Variants in CNTNAP3B observed in about 807,000 individuals in gnomAD.
CNTNAP3B encodes the protein contactin associated protein family member 3B.
Under a neutral mutation model 108.9 loss-of-function variants are expected in CNTNAP3B, and 25 were observed. The observed-to-expected ratio is 0.23, with a 90% CI of 0.17 to 0.32. The LOEUF is 0.32. Ranked by LOEUF, CNTNAP3B falls within the 10% of genes least tolerant of loss-of-function variation. The pLI is 1.00. For synonymous variants in CNTNAP3B, 103 were observed against 473.4 expected (o/e 0.22, Z 10.16); for missense variants, 252 against 1,210.4 (o/e 0.21, Z 11.75).
At chr9:42,023,328 T>C (rs902536681) in intron 3 of CNTNAP3B, among the ~76,000 whole-genome samples, 4 of 151,930 alleles carry the variant, frequency 2.6e-5, no homozygotes, top group African/African-American at 9.7e-5. Context: ...AGTCTCTTCC[T>C]CCGCCTTAAG....
chr9:42,126,917 C>T (rs1255598763), intron 1 of CNTNAP3B, among the ~76,000 whole-genome samples: 7 of 138,318 alleles, frequency 5.1e-5, no homozygotes, highest in Admixed American at 4.3e-4. Context: ...CATCAACAGG[C>T]TGCCTTCGTG....
intron 2 of CNTNAP3B, among the ~76,000 whole-genome samples, chr9:42,078,817 T>A (rs1220487107): frequency 2.0e-5 from 3 of 150,080 alleles, no homozygotes; most frequent in Non-Finnish European, 2.9e-5. Flanking sequence ...TAGCCCTCAG[T>A]AGGAACTACT....
intron 12 of CNTNAP3B, among the ~76,000 whole-genome samples, chr9:41,956,321 G>C (rs149395459): frequency 0.12 from 17,969 of 147,014 alleles, 519 homozygotes; most frequent in South Asian, 0.18. Flanking sequence ...GGGAGGTGGA[G>C]GTTGCAGTGA....
At chr9:42,053,959 C>T (rs1391170213) in intron 3 of CNTNAP3B, among the ~76,000 whole-genome samples, 1 of 151,854 alleles carries the variant, frequency 6.6e-6, no homozygotes, top group African/African-American at 2.4e-5. Flanking sequence ...AAATGGATCC[C>T]CTGTGAGAAC....
chr9:42,121,755 TTC>T (rs1423986828), intron 1 of CNTNAP3B, among the ~76,000 whole-genome samples: 1 of 140,242 alleles, frequency 7.1e-6, no homozygotes, highest in Non-Finnish European at 1.5e-5. Flanking sequence ...AGCTCACTAT[TTC>T]TTATATCATG....
intron 10 of CNTNAP3B, among the ~76,000 whole-genome samples, chr9:41,966,814 A>G (rs1316897043): frequency 6.6e-6 from 1 of 150,970 alleles, no homozygotes; most frequent in Non-Finnish European, 1.5e-5. Context: ...AAAAATACAA[A>G]AAATTAGCCA....
chr9:41,939,605 A>G (rs1200420027), intron 13 of CNTNAP3B, among the ~76,000 whole-genome samples: 2 of 152,290 alleles, frequency 1.3e-5, no homozygotes, highest in African/African-American at 4.8e-5. Flanking sequence ...ACAACGTAAA[A>G]GATATTTTTA....
chr9:42,062,744 C>G lies in CNTNAP3B; in HGVS notation c.390+14125G>C, dbSNP rs1827198097. Reference sequence around the variant, plus strand: ...TGTTCCTTCCTTCTCTTTCCATCTTCCTTTGTGATTAGGCAATTTTCTATA... The same window carrying G: ...TGTTCCTTCCTTCTCTTTCCATCTTGCTTTGTGATTAGGCAATTTTCTATA... On this transcript the variant is annotated intron_variant, in intron 3 of 23. Transcript: ENST00000377561. 3.1e-5 allele frequency among the ~76,000 whole-genome samples: 3 copies of G among 95,694 alleles called. 1 individual carries two copies. The allele number at this position is 95,694 out of a possible 152,430, so 62.8% of individuals were successfully genotyped here.
rs536658828 is a variant in CNTNAP3B, at chr9:42,118,457, C to T, written c.85+10553G>A. 4.3e-4 allele frequency among the ~76,000 whole-genome samples: 59 copies of T among 137,718 alleles called. 7 individuals are homozygous for T. Among genetic ancestry groups the T allele is most frequent in the South Asian group, 1.7e-3 (7 of 4,232 alleles). The allele number at this position is 137,718 out of a possible 152,430, so 90.3% of individuals were successfully genotyped here. On this transcript the variant is annotated intron_variant, in intron 1 of 23. Coordinates refer to ENST00000377561, the MANE Select transcript of CNTNAP3B (RefSeq NM_001201380.3). Reference sequence around the variant, plus strand: ...ATTATCTCAATAGATGCAGAAAAGGCCTTTGACAAAATTCAAAGACGCTTC... The same window carrying T: ...ATTATCTCAATAGATGCAGAAAAGGTCTTTGACAAAATTCAAAGACGCTTC...
chr9:41,981,873 G>A (rs1484963267), intron 9 of CNTNAP3B, among the ~76,000 whole-genome samples: 1 of 51,662 alleles, frequency 1.9e-5, no homozygotes, highest in African/African-American at 5.7e-5. Context: ...GGCAAATAAC[G>A]AGACCTCGTC....
chr9:42,121,405 C>T (rs1414861208), intron 1 of CNTNAP3B, among the ~76,000 whole-genome samples: 1 of 138,834 alleles, frequency 7.2e-6, no homozygotes, highest in East Asian at 2.2e-4. Flanking sequence ...GTGGACTTTC[C>T]AGAATGGAAT....
rs550332335 is a variant in CNTNAP3B, at chr9:41,968,388, C to A, written c.1649+1686G>T. 2.9e-5 allele frequency among the ~76,000 whole-genome samples: 4 copies of A among 140,210 alleles called. 1 individual carries two copies. The highest frequency in any genetic ancestry group is 1.1e-4 in the African/African-American group (4 of 35,406). The allele number at this position is 140,210 out of a possible 152,430, so 92.0% of individuals were successfully genotyped here. ...GTGAGCAAATGGCCAGAAACCTTCC[C>A]AACTACCCTTCCCACGACTACAGAG... On this transcript the variant is annotated intron_variant, in intron 10 of 23. Transcript: ENST00000377561.
At chr9:41,954,284 T>C (rs1429384549) in intron 12 of CNTNAP3B, among the ~76,000 whole-genome samples, 5 of 152,284 alleles carry the variant, frequency 3.3e-5, no homozygotes, top group African/African-American at 1.2e-4. Context: ...ACATTTTACC[T>C]TGAGAAATCA....
intron 8 of CNTNAP3B, among the ~76,000 whole-genome samples, chr9:41,990,897 C>A (rs1234411410): frequency 1.4e-5 from 2 of 139,498 alleles, no homozygotes; most frequent in East Asian, 2.2e-4. Context: ...CAAAAACAGG[C>A]CCTGATGGGG....
At chr9:41,932,636 C>T (rs1243984316) in intron 14 of CNTNAP3B, among the ~76,000 whole-genome samples, 4 of 152,156 alleles carry the variant, frequency 2.6e-5, no homozygotes, top group Non-Finnish European at 4.4e-5. Flanking sequence ...TCTCCTGCCT[C>T]AGCCTCCAGA....
rs1019583340 is a variant in CNTNAP3B, at chr9:42,084,353, G to A, written c.197-7291C>T. 7.8e-5 allele frequency among the ~76,000 whole-genome samples: 9 copies of A among 115,254 alleles called. 3 individuals carry two copies. Among genetic ancestry groups the A allele is most frequent in the African/African-American group, 2.8e-4 (8 of 29,072 alleles). 75.6% of individuals were successfully genotyped at this position (115,254 alleles called of 152,430 possible). On this transcript the variant is annotated intron_variant, in intron 2 of 23. Transcript: ENST00000377561. ...AAATGGGGCATATGCGGAGAGGGCT[G>A]GAATGGAGTCAGGGCACCCTGAGGC...
chr9:42,075,519 C>A (rs1315593536), intron 3 of CNTNAP3B, among the ~76,000 whole-genome samples: 2 of 132,924 alleles, frequency 1.5e-5, no homozygotes, highest in Admixed American at 1.5e-4. Context: ...AGAACCTTAA[C>A]CTTTACGCTC....
chr9:42,082,949 A>C (rs1827631567), intron 2 of CNTNAP3B, among the ~76,000 whole-genome samples: 1 of 139,530 alleles, frequency 7.2e-6, no homozygotes, highest in Non-Finnish European at 1.5e-5. Context: ...TACAAGAAAC[A>C]CACTTTAAAT....
intron 2 of CNTNAP3B, among the ~76,000 whole-genome samples, chr9:42,090,973 TAC>T (rs548325172): frequency 0.011 from 430 of 37,670 alleles, 82 homozygotes; most frequent in East Asian, 0.013. Context: ...TATATATATA[TAC>T]ACACACACAC....
Sources: gnomAD v4.1 joint callset for allele counts (sites outside exome capture counted in the v4.1 genomes callset) on GRCh38, gnomAD v4.1.1 for gene constraint, MANE v1.5 for transcripts, NCBI Gene and HGNC (gene_info 2026-07-23, HGNC 2026-07-21) for gene names.